PRKG1: variants seen among roughly 807,000 people sequenced by gnomAD.
PRKG1 encodes the protein protein kinase cGMP-dependent 1, also known as cGMP-dependent protein kinase 1.
In PRKG1, 35 loss-of-function variants were observed where a neutral mutation model predicts 88.1. That is an observed-to-expected ratio of 0.40 (90% CI 0.30 to 0.53). PRKG1 has a LOEUF of 0.53. Ranked by LOEUF, PRKG1 falls within the 20% of genes least tolerant of loss-of-function variation. PRKG1 has a pLI of 0.59. For synonymous variants in PRKG1, 303 were observed against 292.5 expected, an observed-to-expected ratio of 1.04 and a Z score of -0.37; for missense variants, 540 against 839.8, an observed-to-expected ratio of 0.64 and a Z score of 4.41.
chr10:51,204,223 C>CT (rs1434764179), intron 2 of PRKG1, among the ~76,000 whole-genome samples: 2 of 152,132 alleles, frequency 1.3e-5, no homozygotes, highest in African/African-American at 4.8e-5. Context: ...TTGCAGCTGG[C>CT]TTAGCACATG....
chr10:51,938,711 C>T (rs539629728), intron 5 of PRKG1, among the ~76,000 whole-genome samples: 5 of 152,064 alleles, frequency 3.3e-5, no homozygotes, highest in African/African-American at 9.6e-5. Context: ...TCCCTAGTCA[C>T]ATTTTAGTAC....
At chr10:51,126,407 T>A (rs1315689075) in intron 1 of PRKG1, among the ~76,000 whole-genome samples, 2 of 138,220 alleles carry the variant, frequency 1.4e-5, no homozygotes, top group Non-Finnish European at 3.1e-5. Flanking sequence ...TTTATATATT[T>A]ATATATAATT....
At chr10:51,780,528 T>G (rs758188730) in intron 3 of PRKG1, among the ~76,000 whole-genome samples, 21 of 152,148 alleles carry the variant, frequency 1.4e-4, no homozygotes, top group Admixed American at 2.0e-4. Flanking sequence ...CAAGCAAACA[T>G]TATGCAGCCA....
chr10:51,729,986 G>C (rs566621372), intron 3 of PRKG1, among the ~76,000 whole-genome samples: 1 of 152,052 alleles, frequency 6.6e-6, no homozygotes, highest in Non-Finnish European at 1.5e-5. Context: ...TGGTACGTTC[G>C]TTACAACTGT....
chr10:52,119,555 A>G (rs1847766386), intron 7 of PRKG1, among the ~76,000 whole-genome samples: 1 of 152,166 alleles, frequency 6.6e-6, no homozygotes. Context: ...TCATTCCAGT[A>G]TGCCTTCTCT....
chr10:51,202,174 A>G (rs113218410), intron 2 of PRKG1, among the ~76,000 whole-genome samples: 3,086 of 152,264 alleles, frequency 0.02, 46 homozygotes, highest in Middle Eastern at 0.051. Flanking sequence ...AGCGTTATCT[A>G]TGGCCAGTGG....
intron 1 of PRKG1, among the ~76,000 whole-genome samples, chr10:51,095,452 T>A (rs1181861148): frequency 6.6e-6 from 1 of 152,006 alleles, no homozygotes; most frequent in East Asian, 1.9e-4. Context: ...ACAGCTAGAG[T>A]GTATTGTAAT....
At chr10:52,150,171 A>ATTATTATTATTATTATTATT (rs1564490935) in intron 8 of PRKG1, among the ~76,000 whole-genome samples, 2 of 103,062 alleles carry the variant, frequency 1.9e-5, no homozygotes, top group African/African-American at 8.6e-5. Context: ...TAATAATAAT[A>ATTATTATTATTATTATTATT]ATAATAATAA....
intron 9 of PRKG1, among the ~76,000 whole-genome samples, chr10:52,242,621 G>A (rs1249608977): frequency 6.6e-6 from 1 of 152,074 alleles, no homozygotes; most frequent in Non-Finnish European, 1.5e-5. Context: ...ATTTGGCCAG[G>A]CACGGTGCCT....
At chr10:51,792,665 G>A (rs1002694738) in intron 3 of PRKG1, among the ~76,000 whole-genome samples, 12 of 151,944 alleles carry the variant, frequency 7.9e-5, no homozygotes, top group Non-Finnish European at 1.0e-4. Flanking sequence ...ATGGGTGTCC[G>A]CCAAAATGGA....
At chr10:51,149,240 C>T (rs1259774235) in intron 1 of PRKG1, among the ~76,000 whole-genome samples, 1 of 152,124 alleles carries the variant, frequency 6.6e-6, no homozygotes, top group Non-Finnish European at 1.5e-5. Context: ...GCCTTCCCTA[C>T]ACCTTGAAAT....
intron 3 of PRKG1, among the ~76,000 whole-genome samples, chr10:51,708,531 C>T (rs867786139): frequency 1.1e-4 from 16 of 152,182 alleles, no homozygotes; most frequent in Middle Eastern, 3.2e-3. Context: ...CCACTCCCTT[C>T]CTCACTCCCT....
chr10:51,794,267 C>T (rs75609178), intron 3 of PRKG1, among the ~76,000 whole-genome samples: 3,516 of 152,118 alleles, frequency 0.023, 121 homozygotes, highest in African/African-American at 0.079. Flanking sequence ...AGACAGAAGA[C>T]TTCAACACCC....
chr10:52,059,855 G>A (rs554276238), intron 6 of PRKG1, among the ~76,000 whole-genome samples: 94 of 151,846 alleles, frequency 6.2e-4, no homozygotes, highest in African/African-American at 2.1e-3. Context: ...ACTAAAATAC[G>A]TTTTTAAAAT....
At chr10:51,848,851 A>ATGTT (rs60810416) in intron 4 of PRKG1, among the ~76,000 whole-genome samples, 25 of 131,480 alleles carry the variant, frequency 1.9e-4, no homozygotes, top group African/African-American at 4.9e-4. Flanking sequence ...TTGCGTTTCT[A>ATGTT]TTTTTTTTTT....
rs190045876 is a variant in PRKG1, at chr10:51,087,317, A to G, written c.311+12416A>G. Among the ~76,000 whole-genome samples, 251 of 152,260 alleles carry G rather than the reference A, an allele frequency of 1.6e-3. 1 individual carries two copies. The highest frequency in any genetic ancestry group is 5.8e-3 in the African/African-American group (242 of 41,536). On this transcript the variant is annotated intron_variant, in intron 1 of 17. Coordinates refer to ENST00000373980, the MANE Select transcript of PRKG1 (RefSeq NM_006258.4). ...GATGATGATGATGATGATGATGATG[A>G]TAATGATGATAATTACTAAAAATAT...
rs140640176 is a variant in PRKG1, at chr10:52,150,005, G to C, written c.1002-11884G>C. On this transcript the variant is annotated intron_variant, in intron 8 of 17. Transcript: ENST00000373980. ...TGTACTAAAAATACAAAACTTAGCT[G>C]GGCATGGTGGTGGGTGCCTGTAATC... Among the ~76,000 whole-genome samples, 377 of 151,774 alleles carry C rather than the reference G, an allele frequency of 2.5e-3. 11 individuals are homozygous for C. In the East Asian group the frequency reaches 0.059, roughly 24 times the overall value.
intron 3 of PRKG1, among the ~76,000 whole-genome samples, chr10:51,800,868 G>T (rs938453097): frequency 6.6e-6 from 1 of 151,976 alleles, no homozygotes; most frequent in African/African-American, 2.4e-5. Flanking sequence ...TCTAAATCTG[G>T]TCTCATCCCA....
chr10:52,113,625 A>G (rs114796031), intron 7 of PRKG1, among the ~76,000 whole-genome samples: 2,746 of 152,220 alleles, frequency 0.018, 83 homozygotes, highest in African/African-American at 0.059. Context: ...TCACAATACT[A>G]GACAGCTGTG....
Sources: allele counts gnomAD v4.1 joint callset (sites outside exome capture counted in the v4.1 genomes callset), GRCh38; gene constraint gnomAD v4.1.1; transcripts MANE v1.5; gene names NCBI Gene and HGNC (gene_info 2026-07-23, HGNC 2026-07-21).